The following CYP11B1 variants were observed in gnomAD, a reference collection of about 807,000 sequenced individuals.
The protein encoded by CYP11B1 is cytochrome P450 family 11 subfamily B member 1, also known as cytochrome P450 11B1, mitochondrial.
CYP11B1 carries 34 observed loss-of-function variants against 48.3 expected under a neutral mutation model. That is an observed-to-expected ratio of 0.70 (90% CI 0.54 to 0.94). The LOEUF is 0.94. Ranked by LOEUF, CYP11B1 falls within the 40% of genes least tolerant of loss-of-function variation. The pLI is 0.00. For synonymous variants in CYP11B1, 291 were observed against 262.5 expected (o/e 1.11, Z -1.05); for missense variants, 688 against 657.4 (o/e 1.05, Z -0.51).
Position 142,875,113 on chromosome 8 carries a change from G to C in CYP11B1, c.1242C>G (p.Pro414=). The C allele has an allele frequency of 6.2e-7, 1 of 1,614,268 alleles. No individual in the cohort carries two copies. The highest frequency in any genetic ancestry group is 1.3e-5 in the African/African-American group (1 of 75,082). ...AGCGCTCAGGCCTCGGGAACAAGGC[G>C]GGGTTGCGACCCAGAGAGTAGAGGA... is the stretch of plus-strand genomic sequence containing the variant. ...RVFLYSLGRN[P]ALFPRPERYN... is the part of the protein sequence containing the mutation. Residue 414 remains proline (P), a synonymous_variant, in exon 8 of 9, where the codon CCC becomes CCG. Transcript: ENST00000292427.
chr8:142,874,312 C>G lies in CYP11B1; in HGVS notation c.*61G>C. ...GCATGTGGGAGAGAAGAGGGGTGGC[C>G]TGGGGTCAGGCAGAAAGGGAGGCTG... On this transcript the variant is annotated 3_prime_UTR_variant, in exon 9 of 9. Coordinates refer to ENST00000292427, the MANE Select transcript of CYP11B1 (RefSeq NM_000497.4). The G allele has an allele frequency of 8.4e-7, 1 of 1,183,946 alleles. No individual in the cohort carries two copies. Among genetic ancestry groups the G allele is most frequent in the African/African-American group, 1.5e-5 (1 of 66,554 alleles). 73.3% of individuals were successfully genotyped at this position (1,183,946 alleles called of 1,614,324 possible). A position where few individuals can be genotyped will look rare whatever the true frequency, so the allele number is the denominator to read the frequency against.
chr8:142,874,085 C>G lies in CYP11B1; in HGVS notation c.*288G>C. ...CCACACGAGGAGCCTGGAGCCAGCA[C>G]TGGGAGGGATGGGGGCAAACTGCCC... On this transcript the variant is annotated 3_prime_UTR_variant, in exon 9 of 9. Coordinates refer to ENST00000292427, the MANE Select transcript of CYP11B1 (RefSeq NM_000497.4). 4.0e-6 allele frequency: 2 copies of G among 497,362 alleles called. No homozygotes were observed. Among genetic ancestry groups the G allele is most frequent in the Non-Finnish European group, 7.4e-6 (2 of 271,798 alleles). The allele number at this position is 497,362 out of a possible 1,614,324, so 30.8% of individuals were successfully genotyped here. A position where few individuals can be genotyped will look rare whatever the true frequency, so the allele number is the denominator to read the frequency against.
intron 2 of CYP11B1, among the ~76,000 whole-genome samples, chr8:142,878,532 G>A (rs1817036662): frequency 6.6e-6 from 1 of 152,218 alleles, no homozygotes; most frequent in South Asian, 2.1e-4. Flanking sequence ...GGAGCCACCA[G>A]CCACCTGCAT....
chr8:142,879,477 G>A, intron 1 of CYP11B1, 98 bp downstream of exon 1: 1 of 1,613,972 alleles, frequency 6.2e-7, no homozygotes, highest in South Asian at 1.1e-5. Flanking sequence ...CAGAGTGCCG[G>A]GACCTGCTGG....
In CYP11B1 at chr8:142,873,028, T is replaced by C. The variant is rs1390746167; in HGVS notation, c.*1345A>G. On this transcript the variant is annotated 3_prime_UTR_variant, in exon 9 of 9. Coordinates refer to ENST00000292427, the MANE Select transcript of CYP11B1 (RefSeq NM_000497.4). The stretch of plus-strand genomic sequence containing the variant: ...GCCTTCAGAACCATGAGAAATAGAA[T>C]TCTGATGTTTGTCAGCAACCCAGTC... 1 of 152,240 alleles carries C rather than the reference T, an allele frequency of 6.6e-6. No homozygotes were observed. Among genetic ancestry groups the C allele is most frequent in the African/African-American group, 2.4e-5 (1 of 41,460 alleles). The allele number at this position is 152,240 out of a possible 1,614,324, so 9.4% of individuals were successfully genotyped here. A position where few individuals can be genotyped will look rare whatever the true frequency, so the allele number is the denominator to read the frequency against.
At position 142,877,637 on chromosome 8, in the gene CYP11B1, G is replaced by T. The variant is rs560343228; in HGVS notation, c.396-415C>A. On this transcript the variant is annotated intron_variant, in intron 2 of 8. Transcript: ENST00000292427. ...TGTCCTGAGGGGAGAGCCCCTGGCT[G>T]CCCTCTCCTCCCCGCCCTTCCCTGC... The T allele has an allele frequency of 2.8e-4, 258 of 919,312 alleles. No individual in the cohort carries two copies. In the African/African-American group the frequency reaches 3.9e-3, roughly 14 times the overall value. The allele number at this position is 919,312 out of a possible 1,614,324, so 56.9% of individuals were successfully genotyped here. A position where few individuals can be genotyped will look rare whatever the true frequency, so the allele number is the denominator to read the frequency against.
In CYP11B1 at chr8:142,879,713, G is replaced by C; in HGVS notation, c.101C>G (p.Thr34Arg). Residue 34 changes from threonine (T) to arginine (R), a missense_variant, in exon 1 of 9, where the codon ACA becomes AGA. Coordinates refer to ENST00000292427, the MANE Select transcript of CYP11B1 (RefSeq NM_000497.4). ...GGGCATGGCTTCAAAGGGCAGCACT[G>C]TCCTGGGGACCCGGGCGGCTCTCGT... ...LGTRAARVPR[T>R]VLPFEAMPRR... is the part of the protein sequence containing the mutation. The C allele has an allele frequency of 6.2e-7, 1 of 1,614,260 alleles. No homozygotes were observed. The highest frequency in any genetic ancestry group is 8.5e-7 in the Non-Finnish European group (1 of 1,180,048).
chr8:142,879,008 C>A lies in CYP11B1; in HGVS notation c.395+24G>T, dbSNP rs1209840086. The A allele has an allele frequency of 4.3e-6, 7 of 1,613,608 alleles. No homozygotes were observed. In the Admixed American group the frequency reaches 1.2e-4, roughly 27 times the overall value. On this transcript the variant is annotated intron_variant, in intron 2 of 8. Transcript: ENST00000292427. ...CTACACCCAGGCTGCCCACCCTGCT[C>A]CCAGCTCTCAGCTCGCCGCTTACAG... is the stretch of plus-strand genomic sequence containing the variant.
Position 142,878,952 on chromosome 8 carries a change from G to T in CYP11B1, c.395+80C>A, listed in dbSNP as rs990908019. On this transcript the variant is annotated intron_variant, in intron 2 of 8. Transcript: ENST00000292427. ...CACCACAGGGGCCCAGGGCAGATGT[G>T]CTTTTGGGTCCTGCCTCTCTCGCCT... is the stretch of plus-strand genomic sequence containing the variant. 6 of 1,571,218 alleles carry T rather than the reference G, an allele frequency of 3.8e-6. No individual in the cohort carries two copies. The African/African-American group carries it at 6.8e-5, about 18-fold the overall frequency.
In CYP11B1 at chr8:142,873,994, A is replaced by C; in HGVS notation, c.*379T>G. The C allele has an allele frequency of 8.9e-6, 3 of 337,012 alleles. No individual in the cohort carries two copies. The highest frequency in any genetic ancestry group is 2.1e-5 in the African/African-American group (1 of 47,248). The allele number at this position is 337,012 out of a possible 1,614,324, so 20.9% of individuals were successfully genotyped here. On this transcript the variant is annotated 3_prime_UTR_variant, in exon 9 of 9. Coordinates refer to ENST00000292427, the MANE Select transcript of CYP11B1 (RefSeq NM_000497.4). ...CTGCGCAGGGGCCCTGGCCAGGGGA[A>C]GAGGAACAGGGACATGTGAGACTAG...
chr8:142,875,063 A>G lies in CYP11B1; in HGVS notation c.1292T>C (p.Ile431Thr). 1 of 1,614,244 alleles carries G rather than the reference A, an allele frequency of 6.2e-7. No individual in the cohort carries two copies. Among genetic ancestry groups the G allele is most frequent in the Non-Finnish European group, 8.5e-7 (1 of 1,180,038 alleles). Residue 431 changes from isoleucine to threonine, a missense_variant, in exon 8 of 9, where the codon ATC becomes ACC. Ile to Thr is a moderately conservative substitution (Grantham distance 89, BLOSUM62 -1). Coordinates refer to ENST00000292427, the MANE Select transcript of CYP11B1 (RefSeq NM_000497.4). ...GTAGAAGTTCCTGCCGGAGCCCCTG[A>G]TGTCTAGCCAGCGCTGGGGGTTATA... is the stretch of plus-strand genomic sequence containing the variant. ...ERYNPQRWLD[I>T]RGSGRNFYHV...
At position 142,879,788 on chromosome 8, in the gene CYP11B1, A is replaced by G. The variant is rs1554653718; in HGVS notation, c.26T>C (p.Val9Ala). The G allele has an allele frequency of 1.9e-6, 3 of 1,613,976 alleles. No homozygotes were observed. The highest frequency in any genetic ancestry group is 2.5e-6 in the Non-Finnish European group (3 of 1,180,004). The change falls in exon 1 of 9, where the codon GTG (valine) becomes GCG (alanine). Residue 9 changes from valine to alanine, a missense_variant. By Grantham distance (64) the Val-to-Ala change is moderately conservative (BLOSUM62 0). Coordinates refer to ENST00000292427, the MANE Select transcript of CYP11B1 (RefSeq NM_000497.4). MALRAKAE[V>A]CMAVPWLSLQ... Reference sequence around the variant, plus strand: ...GGACAGCCAGGGCACTGCCATGCACACCTCTGCCTTTGCCCTGAGTGCCAT... The same window carrying G: ...GGACAGCCAGGGCACTGCCATGCACGCCTCTGCCTTTGCCCTGAGTGCCAT...
Position 142,873,212 on chromosome 8 carries a change from C to T in CYP11B1, c.*1161G>A, listed in dbSNP as rs1816844795. On this transcript the variant is annotated 3_prime_UTR_variant, in exon 9 of 9. Coordinates refer to ENST00000292427, the MANE Select transcript of CYP11B1 (RefSeq NM_000497.4). ...TGGAATGATGCCATAGGGATTTCCC[C>T]TTTCATGGGGGAACAAATGCTCTGA... is the stretch of plus-strand genomic sequence containing the variant. 1 of 152,258 alleles carries T rather than the reference C, an allele frequency of 6.6e-6. No individual in the cohort carries two copies. The highest frequency in any genetic ancestry group is 2.4e-5 in the African/African-American group (1 of 41,466). The allele number at this position is 152,258 out of a possible 1,614,324, so 9.4% of individuals were successfully genotyped here.
In CYP11B1 at chr8:142,879,097, C is replaced by T. The variant is rs371431889; in HGVS notation, c.330G>A (p.Arg110=). The T allele has an allele frequency of 2.5e-6, 4 of 1,613,924 alleles. 1 individual carries two copies. Among genetic ancestry groups the T allele is most frequent in the Admixed American group, 3.3e-5 (2 of 60,008 alleles). ...LQQVDSLHPH[R]MSLEPWVAYR... The stretch of plus-strand genomic sequence containing the variant: ...AGGCCACCCAGGGCTCCAGGCTCAT[C>T]CTGTGGGGATGCAGGCTGTCCACCT... Residue 110 remains arginine, a synonymous_variant, in exon 2 of 9, where the codon AGG becomes AGA. Coordinates refer to ENST00000292427, the MANE Select transcript of CYP11B1 (RefSeq NM_000497.4).
chr8:142,875,990 A>T, intron 5 of CYP11B1, 112 bp from the exon 6 acceptor site: 1 of 1,344,166 alleles, frequency 7.4e-7, no homozygotes, highest in African/African-American at 1.4e-5. Context: ...TACCCTGAGA[A>T]CGACAGAGCC....
At chr8:142,876,514 C>T (rs1247839630) in intron 4 of CYP11B1, 119 bp from the exon 5 acceptor site, 31 of 1,541,958 alleles carry the variant, frequency 2.0e-5, no homozygotes, top group South Asian at 1.8e-4. Context: ...CCAAATTCTC[C>T]GGATCAGCCC....
chr8:142,875,910 T>G (rs1377349027), intron 5 of CYP11B1, 32 bp from the exon 6 acceptor site: 1 of 1,613,434 alleles, frequency 6.2e-7, no homozygotes, highest in Non-Finnish European at 8.5e-7. Flanking sequence ...GGTCAGACCT[T>G]GCACAGGAGG....
At position 142,877,824 on chromosome 8, in the gene CYP11B1, C is replaced by G. The variant is rs763712060; in HGVS notation, c.396-602G>C. The G allele has an allele frequency of 1.7e-5, 27 of 1,595,210 alleles. No homozygotes were observed. In the East Asian group the frequency reaches 5.4e-4, roughly 32 times the overall value. Reference sequence around the variant, plus strand: ...AATGGTGGGGAGGAATTTCCCCTGTCAGCCACATTTCTGCAAAACTCAAAG... The same window carrying G: ...AATGGTGGGGAGGAATTTCCCCTGTGAGCCACATTTCTGCAAAACTCAAAG... On this transcript the variant is annotated intron_variant, in intron 2 of 8. Coordinates refer to ENST00000292427, the MANE Select transcript of CYP11B1 (RefSeq NM_000497.4).
rs369117124 is a variant in CYP11B1, at chr8:142,878,981, C to A, written c.395+51G>T. On this transcript the variant is annotated intron_variant, in intron 2 of 8. Coordinates refer to ENST00000292427, the MANE Select transcript of CYP11B1 (RefSeq NM_000497.4). ...TTGGGTCCTGCCTCTCTCGCCTCCC[C>A]CCTACACCCAGGCTGCCCACCCTGC... The A allele has an allele frequency of 3.7e-4, 601 of 1,607,978 alleles. 1 individual carries two copies. In the African/African-American group the frequency reaches 6.6e-3, roughly 18 times the overall value.
Sources: gnomAD v4.1 joint callset for allele counts (sites outside exome capture counted in the v4.1 genomes callset) on GRCh38, gnomAD v4.1.1 for gene constraint, MANE v1.5 for transcripts, NCBI Gene and HGNC (gene_info 2026-07-23, HGNC 2026-07-21) for gene names.